The following MYO16 variants were observed in gnomAD, a reference collection of about 807,000 sequenced individuals.
The protein encoded by MYO16 is unconventional myosin-XVI.
MYO16 carries 94 observed loss-of-function variants against 205.3 expected under a neutral mutation model. That is an observed-to-expected ratio of 0.46 (90% CI 0.39 to 0.54). The LOEUF (loss-of-function observed/expected upper bound fraction) is 0.54, where lower values mean the gene tolerates loss of function less well. MYO16 is among the 20% of genes least tolerant of loss of function. The pLI is 0.00. For synonymous variants in MYO16, 988 were observed against 954.0 expected, an observed-to-expected ratio of 1.04 and a Z score of -0.66; for missense variants, 2,315 against 2,387.5, an observed-to-expected ratio of 0.97 and a Z score of 0.63.
At chr13:108,943,828 G>A (rs930916687) in intron 16 of MYO16, among the ~76,000 whole-genome samples, 17 of 151,838 alleles carry the variant, frequency 1.1e-4, no homozygotes, top group Non-Finnish European at 2.1e-4. Context: ...CTCGTGATCC[G>A]CCCGCCTCGG....
chr13:109,106,417 T>TC (rs1442888696), intron 28 of MYO16, among the ~76,000 whole-genome samples: 1 of 152,208 alleles, frequency 6.6e-6, no homozygotes. Context: ...CCCGAATTTC[T>TC]CCAAGCCACA....
intron 6 of MYO16, among the ~76,000 whole-genome samples, chr13:108,802,601 G>A (rs1427796079): frequency 6.6e-6 from 1 of 152,156 alleles, no homozygotes; most frequent in Non-Finnish European, 1.5e-5. Context: ...CCAGAGTGGG[G>A]TTTGTGGATC....
intron 4 of MYO16, among the ~76,000 whole-genome samples, chr13:108,758,183 G>T (rs1206724250): frequency 1.3e-5 from 2 of 152,212 alleles, no homozygotes; most frequent in South Asian, 2.1e-4. Flanking sequence ...CTCCAGAACT[G>T]TGAGAAATAA....
chr13:108,754,782 G>A (rs748631926), intron 4 of MYO16, among the ~76,000 whole-genome samples: 16 of 152,248 alleles, frequency 1.1e-4, no homozygotes, highest in Non-Finnish European at 2.1e-4. Context: ...GCAGTGGAAT[G>A]TCACATGAAC....
intron 1 of MYO16, among the ~76,000 whole-genome samples, chr13:108,599,316 C>T (rs571823066): frequency 1.9e-4 from 28 of 147,832 alleles, no homozygotes; most frequent in Admixed American, 3.4e-4. Flanking sequence ...GTGCATGTGT[C>T]TTTATAGCAG....
chr13:108,833,691 C>A (rs527933074), intron 9 of MYO16, among the ~76,000 whole-genome samples: 19 of 152,238 alleles, frequency 1.2e-4, no homozygotes, highest in African/African-American at 4.6e-4. Context: ...GAAATAAAAT[C>A]CTATTTCCTA....
chr13:109,022,706 TATATATACGCATATAAACATATG>T (rs1566466716), intron 23 of MYO16, among the ~76,000 whole-genome samples: 14 of 113,874 alleles, frequency 1.2e-4, no homozygotes, highest in African/African-American at 4.0e-4. Context: ...ATTTATATAT[TATATATACGCATATAAACATATG>T]TATATATTAT....
intron 4 of MYO16, among the ~76,000 whole-genome samples, chr13:108,761,888 A>C (rs1201915183): frequency 6.6e-6 from 1 of 152,224 alleles, no homozygotes; most frequent in African/African-American, 2.4e-5. Flanking sequence ...ATGGAGTACA[A>C]GTACAGTTTT....
chr13:108,944,354 G>C (rs944858644), intron 16 of MYO16, among the ~76,000 whole-genome samples: 1 of 152,140 alleles, frequency 6.6e-6, no homozygotes, highest in Non-Finnish European at 1.5e-5. Flanking sequence ...TAAGATTGAA[G>C]AGGAAAAGGG....
chr13:108,600,977 A>T (rs1878741334), intron 1 of MYO16, among the ~76,000 whole-genome samples: 1 of 152,142 alleles, frequency 6.6e-6, no homozygotes, highest in Non-Finnish European at 1.5e-5. Flanking sequence ...AGAAAGAAAT[A>T]TGAAGAGAGA....
the MYO16 span, among the ~76,000 whole-genome samples, chr13:108,548,657 G>C: frequency 1.3e-4 from 20 of 151,962 alleles, no homozygotes; most frequent in Non-Finnish European, 2.5e-4. Context: ...TGATGGTGTG[G>C]TGGTTTTGAT....
intron 2 of MYO16, among the ~76,000 whole-genome samples, chr13:108,677,490 T>A (rs1882282378): frequency 6.6e-6 from 1 of 151,422 alleles, no homozygotes; most frequent in East Asian, 1.9e-4. Context: ...GATATATATG[T>A]ATATATACTT....
At chr13:108,690,666 T>G (rs1483059662) in intron 2 of MYO16, among the ~76,000 whole-genome samples, 4 of 152,160 alleles carry the variant, frequency 2.6e-5, no homozygotes, top group African/African-American at 4.8e-5. Context: ...ACCATTTGTC[T>G]CCAGCACTTT....
chr13:109,042,863 AAG>A (rs927708650), intron 23 of MYO16, among the ~76,000 whole-genome samples: 1 of 152,252 alleles, frequency 6.6e-6, no homozygotes, highest in African/African-American at 2.4e-5. Flanking sequence ...GCAATAAAAA[AAG>A]AGTTACTAAA....
At chr13:109,002,929 T>C (rs372172856) in intron 21 of MYO16, among the ~76,000 whole-genome samples, 8 of 152,212 alleles carry the variant, frequency 5.3e-5, no homozygotes, top group Non-Finnish European at 1.0e-4. Context: ...GTATCCGATA[T>C]TGAATGATAT....
chr13:108,507,767 G>A, the MYO16 span, among the ~76,000 whole-genome samples: 1 of 152,026 alleles, frequency 6.6e-6, no homozygotes, highest in Non-Finnish European at 1.5e-5. Flanking sequence ...GGCCCAGTCA[G>A]TGATGTCTCA....
At chr13:108,853,806 T>C (rs1270214046) in intron 10 of MYO16, among the ~76,000 whole-genome samples, 1 of 152,044 alleles carries the variant, frequency 6.6e-6, no homozygotes, top group Non-Finnish European at 1.5e-5. Flanking sequence ...TAAGCATTCA[T>C]CTATTGGAAT....
chr13:109,146,625 A>G (rs574022019), intron 32 of MYO16, among the ~76,000 whole-genome samples: 1 of 151,916 alleles, frequency 6.6e-6, no homozygotes, highest in Non-Finnish European at 1.5e-5. Context: ...TGTCTCTACA[A>G]AAAAAACAAT....
chr13:108,546,157 C>T, the MYO16 span, among the ~76,000 whole-genome samples: 8 of 152,254 alleles, frequency 5.3e-5, no homozygotes, highest in Admixed American at 1.3e-4. Context: ...GAGAGACAGA[C>T]AAAAGTGAGG....
Sources: allele counts gnomAD v4.1 joint callset (sites outside exome capture counted in the v4.1 genomes callset), GRCh38; gene constraint gnomAD v4.1.1; transcripts MANE v1.5; gene names NCBI Gene and HGNC (gene_info 2026-07-23, HGNC 2026-07-21).